The following CDC42BPA variants were observed in gnomAD, a reference collection of about 807,000 sequenced individuals.
CDC42BPA encodes serine/threonine-protein kinase MRCK alpha.
CDC42BPA carries 80 observed loss-of-function variants against 223.5 expected under a neutral mutation model. The ratio of observed to expected loss-of-function variants is 0.36; its 90% CI spans 0.30 to 0.43. CDC42BPA has a LOEUF of 0.43. Ranked by LOEUF, CDC42BPA falls within the 20% of genes least tolerant of loss-of-function variation. The probability of loss-of-function intolerance (pLI) is 1.00; values close to 1 mark genes in which losing one functional copy is unlikely to be tolerated. For synonymous variants in CDC42BPA, 694 were observed against 718.6 expected (o/e 0.97, Z 0.55); for missense variants, 1,743 against 2,099.9 (o/e 0.83, Z 3.32).
At chr1:227,082,267 A>C (rs1047557808) in intron 16 of CDC42BPA, among the ~76,000 whole-genome samples, 2 of 2,466 alleles carry the variant, frequency 8.1e-4, no homozygotes, top group East Asian at 0.023. Context: ...GCTGGTCTCA[A>C]GATTCCTGGG....
intron 1 of CDC42BPA, among the ~76,000 whole-genome samples, chr1:227,310,499 TGATA>T (rs985771066): frequency 1.3e-5 from 2 of 151,936 alleles, no homozygotes; most frequent in African/African-American, 4.8e-5. Context: ...TCTCATACAG[TGATA>T]GATAAAGAAA....
intron 6 of CDC42BPA, among the ~76,000 whole-genome samples, chr1:227,152,608 G>A (rs1661997685): frequency 6.6e-6 from 1 of 152,010 alleles, no homozygotes; most frequent in Admixed American, 6.6e-5. Context: ...TCAACAGAAG[G>A]CAAGAAAGAA....
At position 226,991,863 on chromosome 1, in the gene CDC42BPA, T is replaced by C. The variant is rs1342151260; in HGVS notation, c.*2405A>G. 2.0e-5 allele frequency: 3 copies of C among 151,496 alleles called. No homozygotes were observed. The highest frequency in any genetic ancestry group is 7.3e-5 in the African/African-American group (3 of 41,120). The allele number at this position is 151,496 out of a possible 1,614,324, so 9.4% of individuals were successfully genotyped here. ...GTCAAAGCTACAAACTAATGGCTTA[T>C]GTCAAGTCCTGTTAATCTCGGCTTG... On this transcript the variant is annotated 3_prime_UTR_variant, in exon 37 of 37. Coordinates refer to ENST00000366766, the MANE Select transcript of CDC42BPA (RefSeq NM_001394014.1).
intron 1 of CDC42BPA, among the ~76,000 whole-genome samples, chr1:227,305,540 A>C (rs1692389243): frequency 6.6e-6 from 1 of 152,248 alleles, no homozygotes; most frequent in Non-Finnish European, 1.5e-5. Flanking sequence ...AGGTCCTCTC[A>C]TACCTTTAGA....
chr1:227,127,517 G>A (rs1485753071), intron 11 of CDC42BPA, among the ~76,000 whole-genome samples: 1 of 152,112 alleles, frequency 6.6e-6, no homozygotes, highest in African/African-American at 2.4e-5. Flanking sequence ...AATCGATATC[G>A]CTTCTCTGAA....
intron 20 of CDC42BPA, among the ~76,000 whole-genome samples, chr1:227,071,614 T>G (rs890909348): frequency 7.9e-5 from 12 of 151,488 alleles, no homozygotes; most frequent in Admixed American, 7.9e-4. Flanking sequence ...GACATTAAAA[T>G]GCCCCCCAAA....
chr1:227,008,381 A>T (rs1299500804), intron 34 of CDC42BPA, among the ~76,000 whole-genome samples: 1 of 152,248 alleles, frequency 6.6e-6, no homozygotes, highest in African/African-American at 2.4e-5. Context: ...TATGGTATAG[A>T]TTAAATAATT....
chr1:227,155,858 T>A (rs551217809), intron 6 of CDC42BPA, among the ~76,000 whole-genome samples: 1 of 152,290 alleles, frequency 6.6e-6, no homozygotes, highest in African/African-American at 2.4e-5. Context: ...ATAGAGAGGA[T>A]GTGTACTGGA....
At chr1:227,028,021 G>C (rs1668586758) in intron 30 of CDC42BPA, among the ~76,000 whole-genome samples, 1 of 151,604 alleles carries the variant, frequency 6.6e-6, no homozygotes, top group African/African-American at 2.4e-5. Context: ...TCGGGAGGCT[G>C]AAGTAGGAGG....
At chr1:227,073,475 T>A (rs1558433935) in intron 19 of CDC42BPA, among the ~76,000 whole-genome samples, 1 of 152,142 alleles carries the variant, frequency 6.6e-6, no homozygotes, top group African/African-American at 2.4e-5. Flanking sequence ...AAAAGACCTA[T>A]GGTAGAGGCC....
At chr1:227,131,351 G>A (rs1657068821) in intron 10 of CDC42BPA, among the ~76,000 whole-genome samples, 1 of 152,210 alleles carries the variant, frequency 6.6e-6, no homozygotes, top group Admixed American at 6.5e-5. Flanking sequence ...TACATTGCAA[G>A]TGTTGGTCAA....
At chr1:227,220,331 C>A (rs1297705701) in intron 2 of CDC42BPA, among the ~76,000 whole-genome samples, 2 of 129,736 alleles carry the variant, frequency 1.5e-5, no homozygotes, top group African/African-American at 2.8e-5. Flanking sequence ...CACACACATA[C>A]ATATATGGAT....
chr1:227,268,778 T>C (rs2102637), intron 1 of CDC42BPA, among the ~76,000 whole-genome samples: 14,655 of 151,134 alleles, frequency 0.097, 1,143 homozygotes, highest in East Asian at 0.36. Context: ...CTCAACCTCC[T>C]GGGCTGAAAC....
chr1:227,205,492 C>T (rs928617223), intron 3 of CDC42BPA, among the ~76,000 whole-genome samples: 2 of 148,938 alleles, frequency 1.3e-5, no homozygotes, highest in Non-Finnish European at 3.0e-5. Flanking sequence ...AAATAAGAAA[C>T]CCTTACTAAT....
At chr1:227,093,025 G>C (rs1683368472) in intron 15 of CDC42BPA, among the ~76,000 whole-genome samples, 1 of 152,184 alleles carries the variant, frequency 6.6e-6, no homozygotes, top group South Asian at 2.1e-4. Flanking sequence ...CACAATTCAA[G>C]TTATCCCTAC....
At chr1:227,077,386 T>G (rs1481329744) in intron 17 of CDC42BPA, among the ~76,000 whole-genome samples, 1 of 152,202 alleles carries the variant, frequency 6.6e-6, no homozygotes. Flanking sequence ...TATACACAAA[T>G]GAGCATTACT....
intron 2 of CDC42BPA, among the ~76,000 whole-genome samples, chr1:227,232,230 TA>T (rs1377867641): frequency 2.0e-5 from 3 of 152,232 alleles, no homozygotes; most frequent in Non-Finnish European, 4.4e-5. Context: ...CACCATTTAT[TA>T]AATAGGGAAT....
chr1:227,130,926 C>T (rs140001496), intron 10 of CDC42BPA, among the ~76,000 whole-genome samples: 5 of 152,238 alleles, frequency 3.3e-5, no homozygotes, highest in Middle Eastern at 3.4e-3. Flanking sequence ...TCCTCCTGTA[C>T]CCCACCTACC....
At chr1:227,315,119 C>G (rs1694155297) in intron 1 of CDC42BPA, among the ~76,000 whole-genome samples, 1 of 152,040 alleles carries the variant, frequency 6.6e-6, no homozygotes, top group African/African-American at 2.4e-5. Context: ...ACTCACTACG[C>G]AACTCCTGAC....
Sources: gnomAD v4.1 joint callset for allele counts (sites outside exome capture counted in the v4.1 genomes callset) on GRCh38, gnomAD v4.1.1 for gene constraint, MANE v1.5 for transcripts, NCBI Gene and HGNC (gene_info 2026-07-23, HGNC 2026-07-21) for gene names.